BFSP1: variants seen among roughly 807,000 people sequenced by gnomAD.
BFSP1 encodes beaded filament structural protein 1.
Under a neutral mutation model 43.9 loss-of-function variants are expected in BFSP1, and 38 were observed. The observed-to-expected ratio is 0.87, with a 90% confidence interval of 0.67 to 1.14. BFSP1 has a LOEUF of 1.14. BFSP1 is among the 50% of genes most tolerant of loss of function. BFSP1 has a pLI of 0.00. For synonymous variants in BFSP1, 352 were observed against 354.8 expected (o/e 0.99, Z 0.09); for missense variants, 850 against 875.1 (o/e 0.97, Z 0.36).
At chr20:17,530,880 A>C (rs2034518318) in intron 1 of BFSP1, 73 bp downstream of exon 1, 3 of 1,311,102 alleles carry the variant, frequency 2.3e-6, no homozygotes, top group Non-Finnish European at 2.9e-6. Flanking sequence ...GCATGGTAGC[A>C]GCGTGCTCCC....
At position 17,494,054 on chromosome 20, in the gene BFSP1, T is replaced by A; in HGVS notation, c.*20A>T. 1 of 1,582,976 alleles carries A rather than the reference T, an allele frequency of 6.3e-7. No individual in the cohort carries two copies. The highest frequency in any genetic ancestry group is 8.6e-7 in the Non-Finnish European group (1 of 1,161,536). On this transcript the variant is annotated 3_prime_UTR_variant, in exon 8 of 8. Coordinates refer to ENST00000377873, the MANE Select transcript of BFSP1 (RefSeq NM_001195.5). Reference sequence around the variant, plus strand: ...CTACAGTGGCCCCAAATACATTTTATCCCATCAAGCCTGGGCATTTTAAGA... The same window carrying A: ...CTACAGTGGCCCCAAATACATTTTAACCCATCAAGCCTGGGCATTTTAAGA...
chr20:17,534,816 C>A (rs978007545), upstream of BFSP1, among the ~76,000 whole-genome samples: 1 of 151,942 alleles, frequency 6.6e-6, no homozygotes, highest in Non-Finnish European at 1.5e-5. Flanking sequence ...GTCAGGAGTT[C>A]GAGACCAGCC....
chr20:17,524,999 C>A lies in BFSP1; in HGVS notation c.378-91G>T, dbSNP rs78111917. On this transcript the variant is annotated intron_variant, in intron 1 of 7. Coordinates refer to ENST00000377873, the MANE Select transcript of BFSP1 (RefSeq NM_001195.5). ...ATCAGCATTAAATTCAACCTGGGTA[C>A]GATGCCCTCTCCTTTAAGGAGAGGG... 382 of 1,123,096 alleles carry A rather than the reference C, an allele frequency of 3.4e-4. No homozygotes were observed. In the African/African-American group the frequency reaches 5.0e-3, roughly 15 times the overall value. The allele number at this position is 1,123,096 out of a possible 1,614,324, so 69.6% of individuals were successfully genotyped here.
At chr20:17,496,912 A>T in intron 7 of BFSP1, 26 bp downstream of exon 7, 1 of 1,496,852 alleles carries the variant, frequency 6.7e-7, no homozygotes, top group Non-Finnish European at 8.9e-7. Flanking sequence ...AGAAAAAAAC[A>T]GAAGTCCAGT....
intron 6 of BFSP1, among the ~76,000 whole-genome samples, chr20:17,497,821 T>C (rs2033692036): frequency 6.6e-6 from 1 of 152,006 alleles, no homozygotes; most frequent in Admixed American, 6.6e-5. Context: ...CAATTTAAAA[T>C]TAGACCAAAA....
chr20:17,560,654 C>A (rs1403586905), upstream of BFSP1: 1 of 152,256 alleles, frequency 6.6e-6, no homozygotes, highest in Non-Finnish European at 1.5e-5. Flanking sequence ...CACCTGCATG[C>A]ACTGGTATCA....
At chr20:17,548,796 TTTTGTTTG>T (rs201553569) in intron 1 of BFSP1, among the ~76,000 whole-genome samples, 10 of 151,836 alleles carry the variant, frequency 6.6e-5, no homozygotes, top group South Asian at 2.1e-4. Flanking sequence ...GTGGTGGTAG[TTTTGTTTG>T]TTTGTTTGTT....
intron 5 of BFSP1, among the ~76,000 whole-genome samples, chr20:17,500,754 G>T (rs1306982408): frequency 6.6e-6 from 1 of 151,904 alleles, no homozygotes; most frequent in Non-Finnish European, 1.5e-5. Flanking sequence ...ATTTTCTCTT[G>T]TGCTTGATCA....
rs1049231623 is a variant in BFSP1 at position 17,531,231 on chromosome 20, C to G, written c.99G>C (p.Glu33Asp). 3.6e-5 allele frequency: 50 copies of G among 1,393,376 alleles called. No homozygotes were observed. The highest frequency in any genetic ancestry group is 4.2e-5 in the Non-Finnish European group (45 of 1,073,338). The allele number at this position is 1,393,376 out of a possible 1,614,324, so 86.3% of individuals were successfully genotyped here. ...CCAGGCTCGTTGCCCCAGCCCAGCC[C>G]TCGTCGGCCGGGCGCTCGGGCTCGG... The part of the protein sequence containing the change: ...RAAEPERPAD[E>D]GWAGATSLAA... Residue 33 changes from glutamate to aspartate, a missense_variant, in exon 1 of 8, where the codon GAG (glutamate) becomes GAC (aspartate). Coordinates refer to ENST00000377873, the MANE Select transcript of BFSP1 (RefSeq NM_001195.5).
At position 17,519,842 on chromosome 20, in the gene BFSP1, C is replaced by T. The variant is rs183851716; in HGVS notation, c.438+5006G>A. On this transcript the variant is annotated intron_variant, in intron 2 of 7. Coordinates refer to ENST00000377873, the MANE Select transcript of BFSP1 (RefSeq NM_001195.5). ...GGTGAGTAGGGCCCACTGGAATGTACAGCTGCTGATACGCTGAGGAAAATT... is the reference window on the plus strand; with the variant it reads ...GGTGAGTAGGGCCCACTGGAATGTATAGCTGCTGATACGCTGAGGAAAATT... Among the ~76,000 whole-genome samples the T allele has an allele frequency of 1.9e-3, 295 of 152,314 alleles. 1 individual carries two copies. Among genetic ancestry groups the T allele is most frequent in the Non-Finnish European group, 1.4e-3 (97 of 68,026 alleles).
chr20:17,567,965 A>C (rs564214319), intron 1 of BFSP1, among the ~76,000 whole-genome samples: 1 of 151,970 alleles, frequency 6.6e-6, no homozygotes, highest in East Asian at 1.9e-4. Flanking sequence ...AAAAAAAAAA[A>C]AGAAGGAACT....
chr20:17,562,216 G>A (rs572539447), upstream of BFSP1, among the ~76,000 whole-genome samples: 23 of 151,264 alleles, frequency 1.5e-4, no homozygotes, highest in South Asian at 4.0e-3. Flanking sequence ...CACCGCGCCC[G>A]GAGGATTTAT....
chr20:17,540,598 A>G (rs1033789279), intron 1 of BFSP1, among the ~76,000 whole-genome samples: 35 of 152,054 alleles, frequency 2.3e-4, no homozygotes, highest in African/African-American at 8.5e-4. Flanking sequence ...AATGCTGGGC[A>G]TCCCTCAGTG....
At chr20:17,553,812 CACACACACACACAT>C (rs1177409896) in intron 1 of BFSP1, among the ~76,000 whole-genome samples, 61 of 103,158 alleles carry the variant, frequency 5.9e-4, no homozygotes, top group Middle Eastern at 4.6e-3. Flanking sequence ...CACACACACA[CACACACACACACAT>C]ATATATATAT....
intron 2 of BFSP1, among the ~76,000 whole-genome samples, chr20:17,519,481 A>G (rs1159673836): frequency 2.0e-5 from 3 of 152,232 alleles, no homozygotes; most frequent in Non-Finnish European, 2.9e-5. Context: ...CTGAGGCCAG[A>G]CTGATGCAGT....
In BFSP1 at chr20:17,517,166, C is replaced by T. The variant is rs372893882; in HGVS notation, c.439-2350G>A. On this transcript the variant is annotated intron_variant, in intron 2 of 7. Coordinates refer to ENST00000377873, the MANE Select transcript of BFSP1 (RefSeq NM_001195.5). ...CTGTCCTGAAATACTATAAGGTAGA[C>T]GAGAATGGCAAAATTAGTCACCTTC... 132 of 810,518 alleles carry T rather than the reference C, an allele frequency of 1.6e-4. No homozygotes were observed. The African/African-American group carries it at 1.9e-3, about 11-fold the overall frequency. 50.2% of individuals were successfully genotyped at this position (810,518 alleles called of 1,614,324 possible).
chr20:17,526,628 C>T (rs117329464), intron 1 of BFSP1, among the ~76,000 whole-genome samples: 151 of 152,244 alleles, frequency 9.9e-4, no homozygotes, highest in Non-Finnish European at 1.4e-3. Flanking sequence ...GTTATGAACA[C>T]GTATATGCAA....
chr20:17,558,946 C>T, exon 1 of BFSP1: 1 of 389,462 alleles, frequency 2.6e-6, no homozygotes, highest in South Asian at 1.1e-4. Flanking sequence ...CCTTCCACTT[C>T]CAGCATGGAA....
At chr20:17,549,655 G>A (rs1425622898) in intron 1 of BFSP1, among the ~76,000 whole-genome samples, 1 of 152,094 alleles carries the variant, frequency 6.6e-6, no homozygotes, top group Non-Finnish European at 1.5e-5. Context: ...GGGAAACATG[G>A]TGAAACCCCG....
Sources: gnomAD v4.1 joint callset for allele counts (sites outside exome capture counted in the v4.1 genomes callset) on GRCh38, gnomAD v4.1.1 for gene constraint, MANE v1.5 for transcripts, NCBI Gene and HGNC (gene_info 2026-07-23, HGNC 2026-07-21) for gene names.